Variants in ABL2 observed in about 807,000 individuals in gnomAD.
The protein encoded by ABL2 is ABL proto-oncogene 2, non-receptor tyrosine kinase, also known as tyrosine-protein kinase ABL2.
A neutral mutation model predicts 107.7 loss-of-function variants in ABL2; 49 were observed. The ratio of observed to expected loss-of-function variants is 0.45; its 90% confidence interval spans 0.36 to 0.58. ABL2 has a LOEUF of 0.58. Among genes scored for constraint, ABL2 ranks in the 20% least tolerant of loss-of-function variants. The probability of loss-of-function intolerance (pLI) is 0.00; values close to 1 mark genes in which losing one functional copy is unlikely to be tolerated. For synonymous variants in ABL2, 549 were observed against 548.6 expected, an observed-to-expected ratio of 1.00 and a Z score of -0.01; for missense variants, 1,245 against 1,457.0, an observed-to-expected ratio of 0.85 and a Z score of 2.37.
chr1:179,124,245 G>GAA (rs1300133800), intron 4 of ABL2, among the ~76,000 whole-genome samples: 1 of 127,146 alleles, frequency 7.9e-6, no homozygotes. Flanking sequence ...CATCTCAAAA[G>GAA]AAAAAAAAAA....
At chr1:179,184,888 C>G (rs1201353076) in intron 1 of ABL2, among the ~76,000 whole-genome samples, 2 of 152,126 alleles carry the variant, frequency 1.3e-5, no homozygotes, top group East Asian at 1.9e-4. Context: ...GAGTCTCTAC[C>G]CCTTTCTGTT....
intron 1 of ABL2, among the ~76,000 whole-genome samples, chr1:179,198,003 G>A (rs1477049176): frequency 2.0e-5 from 3 of 151,750 alleles, no homozygotes; most frequent in Non-Finnish European, 4.4e-5. Flanking sequence ...GTGAAACCAT[G>A]TCTCTACTAA....
intron 1 of ABL2, among the ~76,000 whole-genome samples, chr1:179,168,982 T>C (rs1659551732): frequency 6.6e-6 from 1 of 152,186 alleles, no homozygotes; most frequent in Non-Finnish European, 1.5e-5. Flanking sequence ...CCACAGAGGA[T>C]GATATAGTCT....
At chr1:179,174,886 ACT>A in intron 1 of ABL2, among the ~76,000 whole-genome samples, 1 of 128,730 alleles carries the variant, frequency 7.8e-6, no homozygotes, top group South Asian at 2.6e-4. Context: ...CAGAGCAGAG[ACT>A]CTGTCTCAAA....
intron 1 of ABL2, among the ~76,000 whole-genome samples, chr1:179,166,060 G>C (rs1001995635): frequency 6.6e-6 from 1 of 152,076 alleles, no homozygotes; most frequent in Non-Finnish European, 1.5e-5. Flanking sequence ...GCCTCCCTAA[G>C]TGCTGGGATT....
intron 9 of ABL2, among the ~76,000 whole-genome samples, chr1:179,113,434 T>C (rs2102596994): frequency 1.3e-5 from 2 of 152,352 alleles, no homozygotes; most frequent in Middle Eastern, 3.4e-3. Context: ...ATCTCAGAGT[T>C]CATTTTTGAC....
At chr1:179,224,969 C>A (rs1391408158) in intron 1 of ABL2, among the ~76,000 whole-genome samples, 1 of 151,982 alleles carries the variant, frequency 6.6e-6, no homozygotes, top group Non-Finnish European at 1.5e-5. Context: ...AAGGCTGCAG[C>A]GATCTACGAT....
intron 1 of ABL2, among the ~76,000 whole-genome samples, chr1:179,155,495 C>A (rs938401639): frequency 6.6e-6 from 1 of 151,956 alleles, no homozygotes; most frequent in East Asian, 1.9e-4. Flanking sequence ...TTTGGGAGGC[C>A]GAGGCAGGCG....
At chr1:179,136,002 T>G (rs1572677408) in intron 1 of ABL2, among the ~76,000 whole-genome samples, 4 of 130,800 alleles carry the variant, frequency 3.1e-5, no homozygotes, top group Admixed American at 1.6e-4. Flanking sequence ...GTCCAGGAGG[T>G]GACGGGCACC....
At chr1:179,202,619 T>C (rs1481419742) in intron 1 of ABL2, among the ~76,000 whole-genome samples, 1 of 152,240 alleles carries the variant, frequency 6.6e-6, no homozygotes, top group Non-Finnish European at 1.5e-5. Flanking sequence ...GAATCAGTGA[T>C]TGATCTGTAC....
At chr1:179,138,000 T>C (rs1173996748) in intron 1 of ABL2, 1 of 152,264 alleles carries the variant, frequency 6.6e-6, no homozygotes, top group Admixed American at 6.5e-5. Flanking sequence ...TGTCAGCGCC[T>C]GCTGCATCTG....
chr1:179,145,676 C>G (rs1657935736), intron 1 of ABL2, among the ~76,000 whole-genome samples: 1 of 151,996 alleles, frequency 6.6e-6, no homozygotes, highest in Admixed American at 6.6e-5. Flanking sequence ...GACAATGTAG[C>G]AAGTTCAATG....
intron 1 of ABL2, among the ~76,000 whole-genome samples, chr1:179,154,057 C>T (rs1658536198): frequency 6.6e-6 from 1 of 152,088 alleles, no homozygotes; most frequent in African/African-American, 2.4e-5. Flanking sequence ...TGAATCATAC[C>T]TCTTAAATAT....
intron 1 of ABL2, among the ~76,000 whole-genome samples, chr1:179,134,694 G>GA (rs1486124475): frequency 1.4e-5 from 2 of 147,990 alleles, no homozygotes; most frequent in East Asian, 4.1e-4. Flanking sequence ...CAGCATAGGT[G>GA]AAAATTGCAG....
In ABL2 at chr1:179,109,316, C is replaced by T. The variant is rs758424357; in HGVS notation, c.1951G>A (p.Gly651Ser). The change falls in exon 12 of 12, where the codon GGC becomes AGC. Residue 651 changes from glycine (G) to serine (S), a missense_variant. Gly to Ser is a moderately conservative substitution (Grantham distance 56). Around this residue, in one of 3 missense-constraint regions of ABL2, gnomAD observed 761 missense variants for 766.4 expected, o/e 0.99. Coordinates refer to ENST00000502732, the MANE Select transcript of ABL2 (RefSeq NM_007314.4). ...ETCFTRDRKG[G>S]FFSSFMKKRN... ...TTCTTCATGAAGGAGCTGAAGAAGC[C>T]CCCCTTCCTATCCCTGGTGAAGCAT... The T allele has an allele frequency of 1.9e-6, 3 of 1,614,004 alleles. No homozygotes were observed. Among genetic ancestry groups the T allele is most frequent in the East Asian group, 4.5e-5 (2 of 44,874 alleles).
intron 1 of ABL2, among the ~76,000 whole-genome samples, chr1:179,178,784 C>T (rs1660205127): frequency 6.6e-6 from 1 of 151,966 alleles, no homozygotes; most frequent in Non-Finnish European, 1.5e-5. Flanking sequence ...GTAATCCCAG[C>T]TACTCGGGAG....
At chr1:179,194,241 T>C (rs555085518) in intron 1 of ABL2, among the ~76,000 whole-genome samples, 3 of 152,258 alleles carry the variant, frequency 2.0e-5, no homozygotes, top group Admixed American at 2.0e-4. Flanking sequence ...TCAAATACAA[T>C]AACCTCTTTC....
intron 1 of ABL2, among the ~76,000 whole-genome samples, chr1:179,154,891 G>A (rs902315455): frequency 3.9e-5 from 6 of 152,138 alleles, no homozygotes; most frequent in South Asian, 2.1e-4. Context: ...GTATGATCAC[G>A]GATTTTCCTC....
At chr1:179,184,442 T>G in intron 1 of ABL2, 2 of 998,050 alleles carry the variant, frequency 2.0e-6, no homozygotes, top group Non-Finnish European at 3.0e-6. Context: ...AGAGCTTCTT[T>G]ATCTGGTTTA....
Sources: allele counts gnomAD v4.1 joint callset (sites outside exome capture counted in the v4.1 genomes callset), GRCh38; gene constraint gnomAD v4.1.1; regional missense constraint gnomAD v4.1.1; transcripts MANE v1.5; gene names NCBI Gene and HGNC (gene_info 2026-07-23, HGNC 2026-07-21).